NECTIN1: variants seen among roughly 807,000 people sequenced by gnomAD.
NECTIN1 encodes the protein nectin cell adhesion molecule 1.
A neutral mutation model predicts 48.0 loss-of-function variants in NECTIN1; 23 were observed. The ratio of observed to expected loss-of-function variants is 0.48; its 90% confidence interval spans 0.34 to 0.68. The LOEUF (loss-of-function observed/expected upper bound fraction) is 0.68, where lower values mean the gene tolerates loss of function less well. Among genes scored for constraint, NECTIN1 ranks in the 30% least tolerant of loss-of-function variants. The probability of loss-of-function intolerance (pLI) is 0.01; values close to 1 mark genes in which losing one functional copy is unlikely to be tolerated. For missense variants in NECTIN1, 591 were observed against 709.9 expected (o/e 0.83, Z 1.90); for synonymous variants, 270 against 288.9 (o/e 0.93, Z 0.66).
Position 119,661,358 on chromosome 11 carries a change from C to A in NECTIN1, c.*3389G>T. 1.0e-6 allele frequency: 1 copy of A among 986,558 alleles called. No individual in the cohort carries two copies. Among genetic ancestry groups the A allele is most frequent in the Admixed American group, 6.1e-5 (1 of 16,294 alleles). 61.1% of individuals were successfully genotyped at this position (986,558 alleles called of 1,614,324 possible). ...CTCACAAGCTGGGCAGTGTTGGCAG[C>A]AGTGGCAGCAGCAGAGGGGCCTGCC... On this transcript the variant is annotated 3_prime_UTR_variant, in exon 6 of 6. Coordinates refer to ENST00000264025, the MANE Select transcript of NECTIN1 (RefSeq NM_002855.5).
chr11:119,657,751 T>TAATAA (rs1864597940), downstream of NECTIN1, among the ~76,000 whole-genome samples: 2 of 141,412 alleles, frequency 1.4e-5, no homozygotes, highest in African/African-American at 5.2e-5. Flanking sequence ...ATAATAATAA[T>TAATAA]AATAATAATA....
intron 4 of NECTIN1, among the ~76,000 whole-genome samples, chr11:119,676,529 G>A (rs73004973): frequency 0.028 from 4,242 of 152,306 alleles, 93 homozygotes; most frequent in Non-Finnish European, 0.045. Context: ...GAAGAGCCTT[G>A]GCCCCAGCTG....
At chr11:119,666,509 C>T (rs917560810) in intron 5 of NECTIN1, among the ~76,000 whole-genome samples, 8 of 152,326 alleles carry the variant, frequency 5.3e-5, no homozygotes, top group African/African-American at 1.7e-4. Flanking sequence ...GGCCATGCCA[C>T]GGGCCAAAGA....
Position 119,678,764 on chromosome 11 carries a change from G to T in NECTIN1, c.81C>A (p.Gly27=), listed in dbSNP as rs111750499. The change falls in exon 2 of 6, where the codon GGC becomes GGA. Residue 27 remains glycine (G), a splice_region_variant and synonymous_variant. Coordinates refer to ENST00000264025, the MANE Select transcript of NECTIN1 (RefSeq NM_002855.5). This position sits in a 1 kb window ranked among gnomAD's most constrained non-coding sequence, Gnocchi z 4.4. ...TCACCTGGACCACCTGGGAGTGGAC[G>T]CCTGGCCAGGAGGATGGCAGCAAGT... is the stretch of plus-strand genomic sequence containing the variant. ...ALGLTAFFLP[G]VHSQVVQVND... 1.4e-4 allele frequency: 222 copies of T among 1,600,912 alleles called. No homozygotes were observed. Among genetic ancestry groups the T allele is most frequent in the Non-Finnish European group, 1.6e-4 (189 of 1,173,706 alleles).
At chr11:119,674,378 G>A in intron 5 of NECTIN1, 1 of 1,475,372 alleles carries the variant, frequency 6.8e-7, no homozygotes, top group South Asian at 1.4e-5. Flanking sequence ...TGATGATGAT[G>A]GAGGTCAGGG....
chr11:119,658,598 A>C (rs774629360), downstream of NECTIN1, among the ~76,000 whole-genome samples: 11 of 152,086 alleles, frequency 7.2e-5, no homozygotes, highest in Non-Finnish European at 1.3e-4. Flanking sequence ...CACCCAATCC[A>C]TGTCCTTCTC....
At chr11:119,660,893 G>A, downstream of NECTIN1, 2 of 623,264 alleles carry the variant, frequency 3.2e-6, no homozygotes. Context: ...GGGGTGGGGG[G>A]TCCCTTCCCC....
intron 1 of NECTIN1, among the ~76,000 whole-genome samples, chr11:119,714,818 C>T (rs1384389774): frequency 6.6e-6 from 1 of 152,132 alleles, no homozygotes; most frequent in East Asian, 1.9e-4. Context: ...ACCCACACTG[C>T]CTCCTCCTAG....
rs1480545498 is a variant in NECTIN1, at chr11:119,727,875, C to T, written c.79+600G>A. Among the ~76,000 whole-genome samples, 5 of 152,218 alleles carry T rather than the reference C, an allele frequency of 3.3e-5. 1 individual carries two copies. Among genetic ancestry groups the T allele is most frequent in the African/African-American group, 1.2e-4 (5 of 41,454 alleles). On this transcript the variant is annotated intron_variant, in intron 1 of 5. Transcript: ENST00000264025. This position sits in a 1 kb window ranked among gnomAD's most constrained non-coding sequence, Gnocchi z 4.1. ...CCCGCGCCAGGCCGGGAGGAGGCTG[C>T]CCCGGCCTCACCCTCCAGGAAAGGA... is the stretch of plus-strand genomic sequence containing the variant.
intron 5 of NECTIN1, among the ~76,000 whole-genome samples, chr11:119,649,249 C>T (rs1200652518): frequency 1.3e-5 from 2 of 151,764 alleles, no homozygotes; most frequent in Admixed American, 6.6e-5. Flanking sequence ...GGCATGGTGG[C>T]GTGCGCCTGT....
intron 1 of NECTIN1, among the ~76,000 whole-genome samples, chr11:119,687,983 TG>T (rs1865188371): frequency 6.6e-6 from 1 of 151,850 alleles, no homozygotes; most frequent in Non-Finnish European, 1.5e-5. Flanking sequence ...TTCTAGGGGT[TG>T]TGTAGAAGGC....
intron 1 of NECTIN1, among the ~76,000 whole-genome samples, chr11:119,701,879 T>A (rs1277041613): frequency 6.6e-6 from 1 of 152,114 alleles, no homozygotes; most frequent in Non-Finnish European, 1.5e-5. Flanking sequence ...GCCCCGTCCC[T>A]GTCCCTCCAC....
chr11:119,638,135 G>A lies in NECTIN1; in HGVS notation c.1340C>T (p.Ser447Leu), dbSNP rs79178970. The change falls in exon 8 of 8, where the codon TCG (serine) becomes TTG (leucine). Residue 447 changes from serine to leucine, a missense_variant. Physicochemically the swap from Ser to Leu is moderately radical, Grantham distance 145. Coordinates refer to the NECTIN1 transcript ENST00000341398. ...TCCTCGAGGTTCGGTTGTCCTTACC[G>A]AGGGGTGGTAGGAGGGGGAGACCCC... 12,935 of 1,613,730 alleles carry A rather than the reference G, an allele frequency of 8.0e-3. 846 individuals are homozygous for A. The African/African-American group carries it at 0.15, about 18-fold the overall frequency.
rs1432097880 is a variant in NECTIN1, at chr11:119,678,087, G to A, written c.431-230C>T. Among the ~76,000 whole-genome samples the A allele has an allele frequency of 6.6e-6, 1 of 152,130 alleles. No homozygotes were observed. Among genetic ancestry groups the A allele is most frequent in the African/African-American group, 2.4e-5 (1 of 41,434 alleles). On this transcript the variant is annotated intron_variant, in intron 2 of 5. Coordinates refer to ENST00000264025, the MANE Select transcript of NECTIN1 (RefSeq NM_002855.5). The surrounding 1 kb of genome is among the most constrained non-coding windows in gnomAD (Gnocchi z 4.4). Reference sequence around the variant, plus strand: ...GTCATATCCCTGTCATCGAGCTTAGGCCTCCTGGAGTCCCAGCATGTCTAA... The same window carrying A: ...GTCATATCCCTGTCATCGAGCTTAGACCTCCTGGAGTCCCAGCATGTCTAA...
rs1865933348 is a variant in NECTIN1 at position 119,727,682 on chromosome 11, G to A, written c.79+793C>T. Among the ~76,000 whole-genome samples, 2 of 152,318 alleles carry A rather than the reference G, an allele frequency of 1.3e-5. No individual in the cohort carries two copies. The highest frequency in any genetic ancestry group is 4.1e-4 in the South Asian group (2 of 4,828). On this transcript the variant is annotated intron_variant, in intron 1 of 5. Coordinates refer to ENST00000264025, the MANE Select transcript of NECTIN1 (RefSeq NM_002855.5). The surrounding 1 kb of genome is among the most constrained non-coding windows in gnomAD (Gnocchi z 4.1). Reference sequence around the variant, plus strand: ...GCCACCAGGGCCACCCCGGGGTCGGGCGCGAGGTTAACCCCTCGGCTGCCG... The same window carrying A: ...GCCACCAGGGCCACCCCGGGGTCGGACGCGAGGTTAACCCCTCGGCTGCCG...
At position 119,727,892 on chromosome 11, in the gene NECTIN1, A is replaced by T. The variant is rs1473180031; in HGVS notation, c.79+583T>A. ...GGAGGCTGCCCCGGCCTCACCCTCC[A>T]GGAAAGGAACCGCAGGTGAGCGAGG... On this transcript the variant is annotated intron_variant, in intron 1 of 5. Transcript: ENST00000264025. This position sits in a 1 kb window ranked among gnomAD's most constrained non-coding sequence, Gnocchi z 4.1. Among the ~76,000 whole-genome samples the T allele has an allele frequency of 6.6e-6, 1 of 152,182 alleles. No homozygotes were observed. The highest frequency in any genetic ancestry group is 1.5e-5 in the Non-Finnish European group (1 of 68,014).
chr11:119,704,075 G>A (rs999500617), intron 1 of NECTIN1, among the ~76,000 whole-genome samples: 2 of 152,130 alleles, frequency 1.3e-5, no homozygotes, highest in African/African-American at 4.8e-5. Context: ...GGTTCTCCGG[G>A]CAAGAAGCTG....
intron 6 of NECTIN1, chr11:119,639,518 C>T (rs79976568): frequency 4.4e-5 from 17 of 388,218 alleles, no homozygotes; most frequent in East Asian, 6.2e-5. Context: ...CCCTTGTCAA[C>T]GGCTGGGAGC....
At chr11:119,657,441 C>G (rs1039360065), downstream of NECTIN1, among the ~76,000 whole-genome samples, 2 of 152,026 alleles carry the variant, frequency 1.3e-5, no homozygotes, top group African/African-American at 4.8e-5. Context: ...TGGTGAAACC[C>G]TGTCTTTACT....
Sources: gnomAD v4.1 joint callset for allele counts (sites outside exome capture counted in the v4.1 genomes callset) on GRCh38, gnomAD v4.1.1 for gene constraint, Gnocchi (gnomAD v3.1) non-coding constraint, MANE v1.5 for transcripts, NCBI Gene and HGNC (gene_info 2026-07-23, HGNC 2026-07-21) for gene names.